MME: variants seen among roughly 807,000 people sequenced by gnomAD.
The protein encoded by MME is neprilysin.
Under a neutral mutation model 113.2 loss-of-function variants are expected in MME, and 98 were observed. That is an observed-to-expected ratio of 0.87 (90% CI 0.74 to 1.02). MME has a LOEUF of 1.02. MME is among the 50% of genes least tolerant of loss of function. The probability of loss-of-function intolerance (pLI) is 0.00; values close to 1 mark genes in which losing one functional copy is unlikely to be tolerated. For missense variants in MME, 836 were observed against 896.0 expected, an observed-to-expected ratio of 0.93 and a Z score of 0.86; for synonymous variants, 292 against 300.6, an observed-to-expected ratio of 0.97 and a Z score of 0.30.
At chr3:155,107,724 G>C (rs1292281218) in intron 3 of MME, among the ~76,000 whole-genome samples, 1 of 152,198 alleles carries the variant, frequency 6.6e-6, no homozygotes, top group African/African-American at 2.4e-5. Context: ...TTACAGACAT[G>C]CACAGACTGG....
At chr3:155,091,301 T>G (rs1342753868) in intron 3 of MME, among the ~76,000 whole-genome samples, 1 of 152,228 alleles carries the variant, frequency 6.6e-6, no homozygotes. Context: ...AGAAAGGGAA[T>G]CAGTTATATC....
intron 8 of MME, among the ~76,000 whole-genome samples, chr3:155,130,262 T>G (rs1403362899): frequency 6.6e-6 from 1 of 152,212 alleles, no homozygotes; most frequent in Non-Finnish European, 1.5e-5. Context: ...ACACCTCACA[T>G]GTACACACAC....
intron 3 of MME, chr3:155,112,782 G>A (rs1718290502): frequency 6.6e-6 from 1 of 152,316 alleles, no homozygotes; most frequent in African/African-American, 2.4e-5. Flanking sequence ...GGAGGTGAGT[G>A]ATGGGCTGTA....
intron 3 of MME, among the ~76,000 whole-genome samples, chr3:155,114,706 T>C (rs1405393420): frequency 1.3e-5 from 2 of 152,054 alleles, no homozygotes; most frequent in African/African-American, 2.4e-5. Context: ...TCTTCTGAGA[T>C]AGGAACTAGC....
chr3:155,035,209 A>G (rs1344301405), intron 1 of MME, among the ~76,000 whole-genome samples: 2 of 150,646 alleles, frequency 1.3e-5, no homozygotes, highest in Non-Finnish European at 3.0e-5. Flanking sequence ...CCTTAAGTAC[A>G]TATTTATTTA....
intron 16 of MME, among the ~76,000 whole-genome samples, chr3:155,148,910 T>G (rs138237032): frequency 1.3e-5 from 2 of 152,306 alleles, no homozygotes; most frequent in East Asian, 3.9e-4. Flanking sequence ...TCATTGCCTA[T>G]CAGCTCAATT....
At chr3:155,080,636 G>C (rs1389589083) in intron 1 of MME, among the ~76,000 whole-genome samples, 170 bp downstream of exon 1, 1 of 151,994 alleles carries the variant, frequency 6.6e-6, no homozygotes, top group Non-Finnish European at 1.5e-5. Context: ...TGGTCGGTGC[G>C]GGGCTGGTGT....
At chr3:155,130,654 C>G in intron 8 of MME, among the ~76,000 whole-genome samples, 1 of 152,022 alleles carries the variant, frequency 6.6e-6, no homozygotes. Flanking sequence ...TTATATGTAC[C>G]TGGGAAAGAA....
chr3:155,081,322 T>C (rs566957852), intron 1 of MME: 1 of 152,350 alleles, frequency 6.6e-6, no homozygotes, highest in South Asian at 2.1e-4. Flanking sequence ...GCTTTGACTG[T>C]CTGATATAGT....
At chr3:155,110,799 T>A (rs578182288) in intron 3 of MME, among the ~76,000 whole-genome samples, 18 of 152,234 alleles carry the variant, frequency 1.2e-4, no homozygotes, top group Middle Eastern at 3.2e-3. Context: ...CGCCCAGATC[T>A]AACTGCTGTA....
intron 1 of MME, among the ~76,000 whole-genome samples, chr3:155,047,143 C>T (rs1002332544): frequency 2.0e-4 from 30 of 152,194 alleles, no homozygotes; most frequent in African/African-American, 6.5e-4. Flanking sequence ...CTGCAAGTTC[C>T]ATTCAAGGTA....
intron 1 of MME, among the ~76,000 whole-genome samples, chr3:155,052,895 C>T (rs530627386): frequency 3.3e-5 from 5 of 152,206 alleles, no homozygotes; most frequent in South Asian, 4.2e-4. Context: ...TTGAATGCTT[C>T]GGTGCTTAGA....
chr3:155,089,834 G>T (rs1716120574), intron 3 of MME: 3 of 452,416 alleles, frequency 6.6e-6, no homozygotes, highest in South Asian at 1.6e-5. Context: ...AAAAATCCAG[G>T]CATGGTAGCA....
intron 1 of MME, among the ~76,000 whole-genome samples, chr3:155,074,379 C>T (rs1040020537): frequency 1.3e-5 from 2 of 151,898 alleles, no homozygotes; most frequent in Non-Finnish European, 2.9e-5. Flanking sequence ...TCTTCACTTC[C>T]GTTATGATTT....
intron 3 of MME, among the ~76,000 whole-genome samples, chr3:155,089,237 G>A (rs558579242): frequency 1.3e-5 from 2 of 152,208 alleles, no homozygotes; most frequent in Admixed American, 6.5e-5. Flanking sequence ...ACCCTATAAG[G>A]TCATCAAAAA....
intron 3 of MME, among the ~76,000 whole-genome samples, chr3:155,106,046 G>T (rs572551352): frequency 6.6e-6 from 1 of 152,180 alleles, no homozygotes; most frequent in East Asian, 1.9e-4. Context: ...TTAGTCACAT[G>T]TATATATGAA....
chr3:155,064,068 A>C (rs1041286929), intron 1 of MME, among the ~76,000 whole-genome samples: 3 of 152,094 alleles, frequency 2.0e-5, no homozygotes, highest in African/African-American at 7.2e-5. Flanking sequence ...AGGTGAGTGG[A>C]TCACCTGAGG....
At chr3:155,089,864 G>T in intron 3 of MME, 2 of 452,576 alleles carry the variant, frequency 4.4e-6, no homozygotes, top group Non-Finnish European at 8.9e-6. Flanking sequence ...AATCCCAGAG[G>T]GAGGAGAATT....
At chr3:155,134,717 G>T (rs765225178) in intron 8 of MME, among the ~76,000 whole-genome samples, 4 of 152,120 alleles carry the variant, frequency 2.6e-5, no homozygotes, top group Non-Finnish European at 4.4e-5. Context: ...TCTCCAAACT[G>T]CTTTCTGTAG....
Sources: allele counts gnomAD v4.1 joint callset (sites outside exome capture counted in the v4.1 genomes callset), GRCh38; gene constraint gnomAD v4.1.1; transcripts MANE v1.5; gene names NCBI Gene and HGNC (gene_info 2026-07-23, HGNC 2026-07-21).